Variants in ITPR1 observed in about 807,000 individuals in gnomAD.
ITPR1 encodes inositol 1,4,5-trisphosphate receptor type 1, also known as inositol 1,4,5-trisphosphate-gated calcium channel ITPR1.
ITPR1 carries 96 observed loss-of-function variants against 318.4 expected under a neutral mutation model. The observed-to-expected ratio is 0.30, with a 90% CI of 0.26 to 0.36. ITPR1 has a LOEUF of 0.36. Among genes scored for constraint, ITPR1 ranks in the 10% least tolerant of loss-of-function variants. ITPR1 has a pLI of 1.00. For synonymous variants in ITPR1, 1,312 were observed against 1,289.9 expected (o/e 1.02, Z -0.37); for missense variants, 2,440 against 3,460.2 (o/e 0.71, Z 7.40).
chr3:4,824,607 C>T (rs868519526), intron 60 of ITPR1, among the ~76,000 whole-genome samples: 72 of 152,224 alleles, frequency 4.7e-4, no homozygotes, highest in African/African-American at 1.3e-3. Flanking sequence ...CTCCCAGCCC[C>T]GACCCCGAGT....
chr3:4,577,780 C>G (rs963974282), intron 4 of ITPR1, among the ~76,000 whole-genome samples: 6 of 152,200 alleles, frequency 3.9e-5, no homozygotes, highest in African/African-American at 1.4e-4. Context: ...ACTTCGCCAA[C>G]TGTCACAAAA....
chr3:4,628,134 G>C (rs527979302), intron 5 of ITPR1, among the ~76,000 whole-genome samples: 2 of 152,292 alleles, frequency 1.3e-5, no homozygotes, highest in South Asian at 4.1e-4. Flanking sequence ...AAGTGGTTAT[G>C]AGTACAGGCA....
intron 5 of ITPR1, among the ~76,000 whole-genome samples, chr3:4,636,414 G>T (rs1181865995): frequency 1.3e-5 from 2 of 152,102 alleles, no homozygotes; most frequent in African/African-American, 4.8e-5. Context: ...CAAAGTTTTA[G>T]ATGTGATATT....
At chr3:4,524,853 A>T (rs2124936457) in intron 4 of ITPR1, among the ~76,000 whole-genome samples, 2 of 152,254 alleles carry the variant, frequency 1.3e-5, no homozygotes, top group East Asian at 3.9e-4. Flanking sequence ...AGATTACTTC[A>T]CCTTTGCCAA....
chr3:4,671,011 C>A, intron 20 of ITPR1, 85 bp downstream of exon 20: 1 of 924,314 alleles, frequency 1.1e-6, no homozygotes, highest in Non-Finnish European at 1.6e-6. Context: ...TTGATTACTT[C>A]AAGGAATCAC....
chr3:4,804,084 C>T (rs1250267332), intron 54 of ITPR1, among the ~76,000 whole-genome samples: 5 of 152,302 alleles, frequency 3.3e-5, no homozygotes, highest in East Asian at 1.9e-4. Flanking sequence ...GTTGCCCAGG[C>T]TGGTCGCGAA....
chr3:4,563,594 T>C (rs1342774881), intron 4 of ITPR1, among the ~76,000 whole-genome samples: 1 of 152,194 alleles, frequency 6.6e-6, no homozygotes, highest in African/African-American at 2.4e-5. Context: ...CACGTGAAGT[T>C]TGGGTGATAA....
At chr3:4,544,165 G>C (rs2084740412) in intron 4 of ITPR1, among the ~76,000 whole-genome samples, 1 of 152,170 alleles carries the variant, frequency 6.6e-6, no homozygotes, top group Non-Finnish European at 1.5e-5. Flanking sequence ...CTGGAAGTGA[G>C]GTTTTGTCTT....
intron 44 of ITPR1, among the ~76,000 whole-genome samples, chr3:4,742,017 C>T (rs898865406): frequency 1.3e-5 from 2 of 152,178 alleles, no homozygotes; most frequent in African/African-American, 4.8e-5. Context: ...CCCCAGCAGG[C>T]GTCCCCAGAG....
chr3:4,785,582 A>G (rs2047142151), intron 51 of ITPR1, among the ~76,000 whole-genome samples: 1 of 152,110 alleles, frequency 6.6e-6, no homozygotes, highest in Non-Finnish European at 1.5e-5. Context: ...CTGATTTATC[A>G]TTAATGCCTA....
intron 2 of ITPR1, among the ~76,000 whole-genome samples, chr3:4,514,252 T>A (rs1231701984): frequency 6.6e-6 from 1 of 152,168 alleles, no homozygotes; most frequent in Non-Finnish European, 1.5e-5. Flanking sequence ...GTCATGAGGA[T>A]TCACTAAGAG....
intron 10 of ITPR1, among the ~76,000 whole-genome samples, chr3:4,649,369 G>A (rs1043256408): frequency 6.6e-6 from 1 of 152,142 alleles, no homozygotes; most frequent in Non-Finnish European, 1.5e-5. Flanking sequence ...AAAGTCAAGT[G>A]CCCCTCAAAA....
chr3:4,535,508 T>G (rs1401535158), intron 4 of ITPR1, among the ~76,000 whole-genome samples: 2 of 134,546 alleles, frequency 1.5e-5, no homozygotes, highest in Non-Finnish European at 3.1e-5. Context: ...AGTGGCGCAA[T>G]CTCGGCTCAC....
At chr3:4,810,541 C>T (rs1042728214) in intron 55 of ITPR1, among the ~76,000 whole-genome samples, 8 of 152,206 alleles carry the variant, frequency 5.3e-5, no homozygotes, top group Non-Finnish European at 1.0e-4. Flanking sequence ...TCACTAATGT[C>T]CCTGCGATAC....
chr3:4,504,061 G>C (rs974558133), intron 2 of ITPR1, among the ~76,000 whole-genome samples: 1 of 152,072 alleles, frequency 6.6e-6, no homozygotes, highest in Non-Finnish European at 1.5e-5. Context: ...AAATTAAAGA[G>C]TTTTAGCTAA....
chr3:4,680,592 C>G lies in ITPR1; in HGVS notation c.3007C>G (p.Leu1003Val). 6.2e-7 allele frequency: 1 copy of G among 1,613,084 alleles called. No individual in the cohort carries two copies. Among genetic ancestry groups the G allele is most frequent in the South Asian group, 1.1e-5 (1 of 91,052 alleles). ...NVRLDYRISC[L>V]LCIFKREFDE... Reference sequence around the variant, plus strand: ...GAGGTTGGATTATAGGATCTCCTGCCTCCTGTGTATATTTAAGCGAGAGTT... The same window carrying G: ...GAGGTTGGATTATAGGATCTCCTGCGTCCTGTGTATATTTAAGCGAGAGTT... The change falls in exon 25 of 62, where the codon CTC becomes GTC. Residue 1003 changes from leucine to valine, a missense_variant. Physicochemically the swap from Leu to Val is conservative, Grantham distance 32 (BLOSUM62 1). Transcript: ENST00000649015.
rs543194000 is a variant in ITPR1, at chr3:4,569,257, A to G, written c.163+48163A>G. Among the ~76,000 whole-genome samples, 3 of 152,338 alleles carry G rather than the reference A, an allele frequency of 2.0e-5. No homozygotes were observed. In the East Asian group the frequency reaches 5.8e-4, roughly 29 times the overall value. On this transcript the variant is annotated intron_variant, in intron 4 of 61. Coordinates refer to ENST00000649015, the MANE Select transcript of ITPR1 (RefSeq NM_001378452.1). ...ATTAAATTTGCCTTATTTTTATTTT[A>G]AAGAAAGTTAATTTTGGTGACAGTG...
chr3:4,557,557 G>T (rs1231673113), intron 4 of ITPR1, among the ~76,000 whole-genome samples: 3 of 152,180 alleles, frequency 2.0e-5, no homozygotes, highest in East Asian at 3.8e-4. Context: ...ACTGTGTTCA[G>T]CTGGGCCTGC....
chr3:4,608,668 C>T (rs2091866809), intron 4 of ITPR1, among the ~76,000 whole-genome samples: 1 of 152,004 alleles, frequency 6.6e-6, no homozygotes, highest in Non-Finnish European at 1.5e-5. Context: ...TTACAAGATA[C>T]AGGACACCCC....
Sources: gnomAD v4.1 joint callset for allele counts (sites outside exome capture counted in the v4.1 genomes callset) on GRCh38, gnomAD v4.1.1 for gene constraint, MANE v1.5 for transcripts, NCBI Gene and HGNC (gene_info 2026-07-23, HGNC 2026-07-21) for gene names.